The following AOPEP variants were observed in gnomAD, a reference collection of about 807,000 sequenced individuals.
The protein encoded by AOPEP is aminopeptidase O (putative), also known as aminopeptidase O.
AOPEP carries 77 observed loss-of-function variants against 98.1 expected under a neutral mutation model. That is an observed-to-expected ratio of 0.78 (90% CI 0.65 to 0.95). The LOEUF (loss-of-function observed/expected upper bound fraction) is 0.95. AOPEP is among the 40% of genes least tolerant of loss of function. AOPEP has a pLI of 0.00. For synonymous variants in AOPEP, 346 were observed against 365.3 expected, an observed-to-expected ratio of 0.95 and a Z score of 0.60; for missense variants, 1,024 against 1,024.7, an observed-to-expected ratio of 1.00 and a Z score of 0.01.
intron 5 of AOPEP, among the ~76,000 whole-genome samples, chr9:94,801,925 T>C (rs747412285): frequency 5.9e-5 from 9 of 152,228 alleles, no homozygotes; most frequent in Non-Finnish European, 1.2e-4. Flanking sequence ...CACACATTCT[T>C]AGTAAAACCA....
intron 13 of AOPEP, chr9:95,019,198 C>T (rs2063263947): frequency 6.6e-6 from 1 of 152,216 alleles, no homozygotes; most frequent in Non-Finnish European, 1.5e-5. Context: ...TGTTTATTCC[C>T]TGCCTTTTGG....
chr9:95,068,580 A>G (rs1229967886), intron 14 of AOPEP, among the ~76,000 whole-genome samples: 5 of 152,340 alleles, frequency 3.3e-5, no homozygotes, highest in African/African-American at 1.2e-4. Flanking sequence ...TCTCAAATAC[A>G]GTTTGCAAAA....
intron 5 of AOPEP, among the ~76,000 whole-genome samples, chr9:94,876,281 C>T (rs1048574456): frequency 2.0e-5 from 3 of 152,140 alleles, no homozygotes; most frequent in African/African-American, 7.2e-5. Flanking sequence ...CTTGGAAAAC[C>T]CAAGCTTGCC....
At chr9:94,942,877 C>G (rs1025956530) in intron 7 of AOPEP, among the ~76,000 whole-genome samples, 1 of 143,716 alleles carries the variant, frequency 7.0e-6, no homozygotes, top group African/African-American at 2.6e-5. Flanking sequence ...TGCACTCCAG[C>G]CTAGGGGACA....
At chr9:95,129,785 C>G in the AOPEP span, among the ~76,000 whole-genome samples, 4 of 152,168 alleles carry the variant, frequency 2.6e-5, no homozygotes, top group Admixed American at 1.3e-4. Flanking sequence ...TATCTCCCCC[C>G]TCAGGCTTTT....
intron 5 of AOPEP, among the ~76,000 whole-genome samples, chr9:94,919,122 G>A (rs1357902949): frequency 6.6e-6 from 1 of 151,986 alleles, no homozygotes; most frequent in African/African-American, 2.4e-5. Context: ...CACTATGTTG[G>A]CCAGGCTGGT....
At chr9:94,848,025 A>G (rs968514586) in intron 5 of AOPEP, among the ~76,000 whole-genome samples, 1 of 152,182 alleles carries the variant, frequency 6.6e-6, no homozygotes, top group East Asian at 1.9e-4. Context: ...AATTTCTACA[A>G]TCTAAAGTGG....
chr9:95,071,466 C>T (rs955136644), intron 14 of AOPEP, among the ~76,000 whole-genome samples: 1 of 152,140 alleles, frequency 6.6e-6, no homozygotes, highest in Non-Finnish European at 1.5e-5. Flanking sequence ...GTATAGTCAT[C>T]TGCTTATAAT....
At chr9:95,148,857 T>G in the AOPEP span, among the ~76,000 whole-genome samples, 2 of 152,202 alleles carry the variant, frequency 1.3e-5, no homozygotes, top group African/African-American at 2.4e-5. Context: ...TTTTCAAATT[T>G]TGGTGAGCTA....
intron 5 of AOPEP, among the ~76,000 whole-genome samples, chr9:94,899,426 T>TA (rs1297391382): frequency 6.6e-6 from 1 of 151,536 alleles, no homozygotes; most frequent in Non-Finnish European, 1.5e-5. Flanking sequence ...GACTTTTTTT[T>TA]AACCGTGCAA....
At position 95,082,052 on chromosome 9, in the gene AOPEP, G is replaced by A. The variant is rs554494906; in HGVS notation, c.2320-523G>A. On this transcript the variant is annotated intron_variant, in intron 15 of 16. Coordinates refer to ENST00000375315, the MANE Select transcript of AOPEP (RefSeq NM_001193329.3). Reference sequence around the variant, plus strand: ...GGTGCAGGGCTGTGGAGGAAAGGGCGCAGGCGGGGTGGGCGTCTCTGCGGG... The same window carrying A: ...GGTGCAGGGCTGTGGAGGAAAGGGCACAGGCGGGGTGGGCGTCTCTGCGGG... Among the ~76,000 whole-genome samples, 11 of 152,174 alleles carry A rather than the reference G, an allele frequency of 7.2e-5. No individual in the cohort carries two copies. In the South Asian group the frequency reaches 2.1e-3, roughly 29 times the overall value.
rs573419428 is a variant in AOPEP, at chr9:94,961,585, C to T, written c.1872+5570C>T. ...TTTCCTTGACGTTTCTATTAGTGCTCTTGTACTGGTCCTTAATTTATTACC... is the reference window on the plus strand; with the variant it reads ...TTTCCTTGACGTTTCTATTAGTGCTTTTGTACTGGTCCTTAATTTATTACC... On this transcript the variant is annotated intron_variant, in intron 9 of 16. Transcript: ENST00000375315. 3.9e-5 allele frequency among the ~76,000 whole-genome samples: 6 copies of T among 152,244 alleles called. No homozygotes were observed. In the South Asian group the frequency reaches 8.3e-4, roughly 21 times the overall value.
intron 13 of AOPEP, among the ~76,000 whole-genome samples, chr9:95,029,145 G>A (rs554245489): frequency 1.3e-5 from 2 of 152,162 alleles, no homozygotes; most frequent in South Asian, 4.1e-4. Flanking sequence ...ACTTGCTGCC[G>A]TGACCAACAT....
At chr9:95,035,925 C>A (rs1394504657) in intron 13 of AOPEP, among the ~76,000 whole-genome samples, 1 of 152,106 alleles carries the variant, frequency 6.6e-6, no homozygotes. Context: ...ACAGACTTCC[C>A]TCCTACCACA....
chr9:94,916,567 G>A (rs1378699865), intron 5 of AOPEP, among the ~76,000 whole-genome samples: 1 of 151,914 alleles, frequency 6.6e-6, no homozygotes, highest in African/African-American at 2.4e-5. Context: ...ACTGGGCATG[G>A]TGGGGCACAC....
the AOPEP span, chr9:95,111,056 C>G: frequency 6.8e-7 from 1 of 1,476,384 alleles, no homozygotes; most frequent in Non-Finnish European, 9.0e-7. Context: ...AAGCCCTGGC[C>G]GGGCTGCTGG....
In AOPEP at chr9:94,800,814, C is replaced by T. The variant is rs765054978; in HGVS notation, c.1176C>T (p.Ala392=). Residue 392 remains alanine (A), a synonymous_variant, in exon 5 of 17, where the codon GCC becomes GCT. Transcript: ENST00000375315. ...CCTGCCGCTTCCAGAATGCTTCTGC[C>T]ACCACCCAGGAGATCATTCCTCATC... ...EYPCRFQNAS[A]TTQEIIPHRV... 3.1e-6 allele frequency: 5 copies of T among 1,614,152 alleles called. No homozygotes were observed. The highest frequency in any genetic ancestry group is 4.2e-6 in the Non-Finnish European group (5 of 1,180,004).
the AOPEP span, among the ~76,000 whole-genome samples, chr9:95,095,915 G>C: frequency 6.6e-6 from 1 of 152,238 alleles, no homozygotes; most frequent in South Asian, 2.1e-4. Flanking sequence ...GAGGAACAAA[G>C]AAGTTCTAAA....
rs115936326 is a variant in AOPEP, at chr9:94,868,038, G to T, written c.1365-55948G>T. On this transcript the variant is annotated intron_variant, in intron 5 of 16. Coordinates refer to ENST00000375315, the MANE Select transcript of AOPEP (RefSeq NM_001193329.3). Reference sequence around the variant, plus strand: ...TTCTGACAGAACACTCTGGAGATTTGCCTACAGACAGTGACCACCAATTTA... The same window carrying T: ...TTCTGACAGAACACTCTGGAGATTTTCCTACAGACAGTGACCACCAATTTA... Among the ~76,000 whole-genome samples the T allele has an allele frequency of 9.5e-3, 1,452 of 152,282 alleles. 26 individuals are homozygous for T. Among genetic ancestry groups the T allele is most frequent in the African/African-American group, 0.032 (1,348 of 41,542 alleles).
Sources: gnomAD v4.1 joint callset for allele counts (sites outside exome capture counted in the v4.1 genomes callset) on GRCh38, gnomAD v4.1.1 for gene constraint, MANE v1.5 for transcripts, NCBI Gene and HGNC (gene_info 2026-07-23, HGNC 2026-07-21) for gene names.